LPIN1: variants seen among roughly 807,000 people sequenced by gnomAD.
The protein encoded by LPIN1 is phosphatidate phosphatase LPIN1.
In LPIN1, 71 loss-of-function variants were observed where a neutral mutation model predicts 107.5. The observed-to-expected ratio is 0.66, with a 90% CI of 0.55 to 0.80. The LOEUF (loss-of-function observed/expected upper bound fraction) is 0.80, where lower values mean the gene tolerates loss of function less well. LPIN1 is among the 30% of genes least tolerant of loss of function. LPIN1 has a pLI of 0.00. For synonymous variants in LPIN1, 445 were observed against 452.6 expected, an observed-to-expected ratio of 0.98 and a Z score of 0.21; for missense variants, 1,043 against 1,160.6, an observed-to-expected ratio of 0.90 and a Z score of 1.47.
intron 1 of LPIN1, among the ~76,000 whole-genome samples, chr2:11,725,237 G>C (rs1358994615): frequency 6.6e-6 from 1 of 152,066 alleles, no homozygotes; most frequent in East Asian, 1.9e-4. Flanking sequence ...CTCCAGCCTG[G>C]GGGACAGAGC....
chr2:11,706,036 C>CTGGAAACATTACTCTCTGAAT (rs1663112910), intron 1 of LPIN1, among the ~76,000 whole-genome samples: 1 of 152,202 alleles, frequency 6.6e-6, no homozygotes, highest in African/African-American at 2.4e-5. Flanking sequence ...CCTGCACAAG[C>CTGGAAACATTACTCTCTGAAT]TCTCTCTTTT....
chr2:11,712,135 T>TC (rs1553402246), intron 1 of LPIN1, among the ~76,000 whole-genome samples: 1 of 152,062 alleles, frequency 6.6e-6, no homozygotes, highest in Non-Finnish European at 1.5e-5. Context: ...TGCCCCCTGA[T>TC]CCCCCCGGCA....
chr2:11,757,937 T>C (rs1668930886), intron 1 of LPIN1, among the ~76,000 whole-genome samples: 1 of 144,344 alleles, frequency 6.9e-6, no homozygotes, highest in Non-Finnish European at 1.6e-5. Context: ...TATTTTCCGC[T>C]TCTCCCTAGC....
At chr2:11,706,715 A>G (rs756726673) in intron 1 of LPIN1, among the ~76,000 whole-genome samples, 2 of 152,184 alleles carry the variant, frequency 1.3e-5, no homozygotes. Context: ...CATTGCCATG[A>G]TAATCTGGGG....
At chr2:11,804,274 AG>A in intron 15 of LPIN1, 148 bp from the exon 16 acceptor site, 1 of 830,812 alleles carries the variant, frequency 1.2e-6, no homozygotes, top group Non-Finnish European at 2.0e-6. Flanking sequence ...AGAACAAGGA[AG>A]GGTGGGGAAA....
rs1009529806 is a variant in LPIN1 at position 11,760,459 on chromosome 2, C to G, written c.-9-5074C>G. ...CCTCAGGAGGCCGAGGCTGGCAGAT[C>G]ACTCCCGATTAGGAGCTGGAGACCA... On this transcript the variant is annotated intron_variant, in intron 1 of 20. Transcript: ENST00000674199. Among the ~76,000 whole-genome samples, 5 of 152,264 alleles carry G rather than the reference C, an allele frequency of 3.3e-5. No homozygotes were observed. The East Asian group carries it at 9.6e-4, about 29-fold the overall frequency.
At position 11,818,075 on chromosome 2, in the gene LPIN1, G is replaced by A. The variant is rs548430785; in HGVS notation, c.2403-1409G>A. ...TTGTTCCACTGGCAAAGGCCTGGAC[G>A]AATTGGCCAAGGCCATAGTGTCCCA... is the stretch of plus-strand genomic sequence containing the variant. On this transcript the variant is annotated intron_variant, in intron 18 of 20. Transcript: ENST00000674199. 2.6e-5 allele frequency: 4 copies of A among 152,152 alleles called. No homozygotes were observed. The East Asian group carries it at 5.8e-4, about 22-fold the overall frequency. 9.4% of individuals were successfully genotyped at this position (152,152 alleles called of 1,614,324 possible).
intron 9 of LPIN1, 45 bp from the exon 10 acceptor site, chr2:11,784,841 C>T (rs1674231287): frequency 6.3e-7 from 1 of 1,596,586 alleles, no homozygotes; most frequent in African/African-American, 1.3e-5. Context: ...GGACCCTGAA[C>T]TGGGACAGTC....
At chr2:11,764,436 T>G (rs543591545) in intron 1 of LPIN1, 1 of 152,414 alleles carries the variant, frequency 6.6e-6, no homozygotes, top group South Asian at 2.1e-4. Context: ...CATGAGCTAC[T>G]ATGCCCCGCT....
rs775023207 is a variant in LPIN1, at chr2:11,782,268, A to G, written c.1025A>G (p.His342Arg). The change falls in exon 8 of 21, where the codon CAC becomes CGC. Residue 342 changes from histidine (H) to arginine (R), a missense_variant. Transcript: ENST00000674199. ...AGTAGAAAAATTTGTGATAAAAGTC[A>G]CTTTCAGGCCATTCACAGCGAATCT... ...LSSRKICDKS[H>R]FQAIHSESSD... The G allele has an allele frequency of 5.7e-5, 92 of 1,614,098 alleles. No homozygotes were observed. The South Asian group carries it at 9.6e-4, about 17-fold the overall frequency.
intron 6 of LPIN1, among the ~76,000 whole-genome samples, chr2:11,777,995 G>A (rs910372174): frequency 6.6e-6 from 1 of 152,214 alleles, no homozygotes; most frequent in Non-Finnish European, 1.5e-5. Context: ...GCCACAGCCT[G>A]CGCTTTTCCC....
intron 1 of LPIN1, among the ~76,000 whole-genome samples, chr2:11,731,409 C>A (rs879167691): frequency 6.6e-6 from 1 of 152,184 alleles, no homozygotes; most frequent in Non-Finnish European, 1.5e-5. Context: ...TGAGCTCATT[C>A]TTTTTCATGG....
upstream of LPIN1, among the ~76,000 whole-genome samples, chr2:11,720,301 A>G (rs1664035745): frequency 6.6e-6 from 1 of 152,158 alleles, no homozygotes; most frequent in Non-Finnish European, 1.5e-5. Flanking sequence ...GTATTTAAGC[A>G]TTCATTTAAA....
intron 1 of LPIN1, among the ~76,000 whole-genome samples, chr2:11,701,963 G>T (rs1662895480): frequency 6.6e-6 from 1 of 152,176 alleles, no homozygotes; most frequent in African/African-American, 2.4e-5. Context: ...TGACGTCATT[G>T]TGCTCATCTC....
At chr2:11,720,534 C>G (rs539440654), upstream of LPIN1, among the ~76,000 whole-genome samples, 1 of 152,024 alleles carries the variant, frequency 6.6e-6, no homozygotes, top group Non-Finnish European at 1.5e-5. Flanking sequence ...TGATGATGCT[C>G]GAACTAAGGT....
intron 18 of LPIN1, chr2:11,817,058 C>T (rs571436839): frequency 6.6e-6 from 1 of 152,266 alleles, no homozygotes; most frequent in South Asian, 2.1e-4. Context: ...AGAATGATGG[C>T]TTCCAGCTTC....
At chr2:11,788,811 G>A (rs1053938959) in intron 12 of LPIN1, among the ~76,000 whole-genome samples, 59 of 152,346 alleles carry the variant, frequency 3.9e-4, no homozygotes, top group African/African-American at 1.4e-3. Context: ...AGGTGGAGCA[G>A]GCATCAGGGT....
At chr2:11,738,674 C>T (rs1429063314) in intron 1 of LPIN1, among the ~76,000 whole-genome samples, 1 of 152,140 alleles carries the variant, frequency 6.6e-6, no homozygotes, top group Non-Finnish European at 1.5e-5. Context: ...TCAGCAGTGC[C>T]AGGAGAGGGA....
chr2:11,746,665 C>T lies in LPIN1; in HGVS notation c.-16C>T. On this transcript the variant is annotated 5_prime_UTR_variant, in exon 1 of 21. Coordinates refer to ENST00000674199, the MANE Select transcript of LPIN1 (RefSeq NM_001349206.2). ...AATACAAAGGCGGCCACGCGCGGCG[C>T]CGCTCGGTGAGTAGCCGCCGCCTCC... 2 of 985,090 alleles carry T rather than the reference C, an allele frequency of 2.0e-6. No homozygotes were observed. The highest frequency in any genetic ancestry group is 2.4e-6 in the Non-Finnish European group (2 of 829,716). The allele number at this position is 985,090 out of a possible 1,614,324, so 61.0% of individuals were successfully genotyped here.
Sources: allele counts gnomAD v4.1 joint callset (sites outside exome capture counted in the v4.1 genomes callset), GRCh38; gene constraint gnomAD v4.1.1; transcripts MANE v1.5; gene names NCBI Gene and HGNC (gene_info 2026-07-23, HGNC 2026-07-21).